Variants in CREB3L2 observed in about 807,000 individuals in gnomAD.
CREB3L2 encodes cAMP responsive element binding protein 3 like 2, also known as cyclic AMP-responsive element-binding protein 3-like protein 2.
A neutral mutation model predicts 57.2 loss-of-function variants in CREB3L2; 23 were observed. The observed-to-expected ratio is 0.40, with a 90% confidence interval of 0.29 to 0.57. CREB3L2 has a LOEUF of 0.57. Ranked by LOEUF, CREB3L2 falls within the 20% of genes least tolerant of loss-of-function variation. CREB3L2 has a pLI of 0.42. For missense variants in CREB3L2, 628 were observed against 634.7 expected (o/e 0.99, Z 0.11); for synonymous variants, 268 against 265.1 (o/e 1.01, Z -0.11).
At chr7:137,896,266 T>G (rs1249882551) in intron 8 of CREB3L2, among the ~76,000 whole-genome samples, 1 of 152,356 alleles carries the variant, frequency 6.6e-6, no homozygotes, top group East Asian at 1.9e-4. Flanking sequence ...TTTTATCTAT[T>G]TCCCTCTCAA....
chr7:137,930,237 T>C (rs1800586232), intron 1 of CREB3L2, among the ~76,000 whole-genome samples: 1 of 152,202 alleles, frequency 6.6e-6, no homozygotes, highest in Non-Finnish European at 1.5e-5. Flanking sequence ...CACTAGCTAT[T>C]AGAGATTTCT....
rs80107633 is a variant in CREB3L2, at chr7:137,885,153, G to A, written c.1144-32C>T. ...GAGAGAAAGAGGGGAGAGAGAACAC[G>A]AGGGGCTGTGGACTTCAGCCTCTGG... On this transcript the variant is annotated intron_variant, in intron 9 of 11. Coordinates refer to ENST00000330387, the MANE Select transcript of CREB3L2 (RefSeq NM_194071.4). 0.012 allele frequency: 19,132 copies of A among 1,611,500 alleles called. 1,777 individuals carry two copies. The African/African-American group carries it at 0.21, about 18-fold the overall frequency.
At chr7:137,960,577 T>C (rs2117285362) in intron 1 of CREB3L2, among the ~76,000 whole-genome samples, 1 of 152,266 alleles carries the variant, frequency 6.6e-6, no homozygotes, top group African/African-American at 2.4e-5. Flanking sequence ...GATATTAGCC[T>C]GGAAGTATCT....
intron 2 of CREB3L2, among the ~76,000 whole-genome samples, chr7:137,922,418 A>ATATATG (rs1800331558): frequency 5.3e-5 from 2 of 37,722 alleles, no homozygotes; most frequent in Non-Finnish European, 8.1e-5. Flanking sequence ...ATATATATGT[A>ATATATG]TATATATATA....
intron 1 of CREB3L2, among the ~76,000 whole-genome samples, chr7:137,984,687 T>G (rs1053763984): frequency 6.6e-6 from 1 of 152,260 alleles, no homozygotes; most frequent in Non-Finnish European, 1.5e-5. Flanking sequence ...TGCAGCTTTT[T>G]GTTTGGTTTT....
chr7:137,948,640 T>C (rs10488443), intron 1 of CREB3L2, among the ~76,000 whole-genome samples: 13,860 of 152,236 alleles, frequency 0.091, 941 homozygotes, highest in Admixed American at 0.22. Flanking sequence ...ATCTTGGCTA[T>C]TCAAAAGCGT....
rs757974765 is a variant in CREB3L2 at position 137,912,997 on chromosome 7, T to G, written c.577A>C (p.Lys193Gln). ...EVDQFLNFSP[K>Q]EAPVDHLHLP... ...ACAGGGAGGGCAGACAGACCTTCTTTAGGAGAGAAGTTTAGAAACTGATCC... is the reference window on the plus strand; with the variant it reads ...ACAGGGAGGGCAGACAGACCTTCTTGAGGAGAGAAGTTTAGAAACTGATCC... The change falls in exon 4 of 12, where the codon AAA becomes CAA. Residue 193 changes from lysine to glutamine, a missense_variant. Coordinates refer to ENST00000330387, the MANE Select transcript of CREB3L2 (RefSeq NM_194071.4). The G allele has an allele frequency of 5.0e-6, 8 of 1,613,848 alleles. No individual in the cohort carries two copies. The highest frequency in any genetic ancestry group is 6.8e-6 in the Non-Finnish European group (8 of 1,179,788).
At chr7:137,917,967 G>A (rs1800172583) in intron 2 of CREB3L2, among the ~76,000 whole-genome samples, 1 of 152,244 alleles carries the variant, frequency 6.6e-6, no homozygotes, top group African/African-American at 2.4e-5. Context: ...CCAGAGGAGG[G>A]AGACCACTCT....
At chr7:137,966,854 C>T (rs1414330738) in intron 1 of CREB3L2, among the ~76,000 whole-genome samples, 1 of 152,146 alleles carries the variant, frequency 6.6e-6, no homozygotes, top group Non-Finnish European at 1.5e-5. Flanking sequence ...TCTCAAGTGT[C>T]TGGGAATGAG....
intron 1 of CREB3L2, among the ~76,000 whole-genome samples, chr7:137,952,479 A>G (rs1238747479): frequency 2.6e-5 from 4 of 152,196 alleles, no homozygotes; most frequent in Admixed American, 6.5e-5. Context: ...TACGGTAGCC[A>G]CAGGTCCCAT....
intron 10 of CREB3L2, chr7:137,884,148 G>A (rs1799359249): frequency 6.6e-6 from 1 of 152,034 alleles, no homozygotes; most frequent in Non-Finnish European, 1.5e-5. Flanking sequence ...TGGGACTATA[G>A]GTGCATGCAC....
chr7:137,899,093 AAG>A (rs1168364098), intron 8 of CREB3L2, among the ~76,000 whole-genome samples: 3 of 126,648 alleles, frequency 2.4e-5, no homozygotes, highest in African/African-American at 1.0e-4. Context: ...AGAAAAAGGA[AAG>A]AGAAGGAAGG....
intron 1 of CREB3L2, among the ~76,000 whole-genome samples, chr7:137,963,073 C>A (rs908156694): frequency 3.3e-5 from 5 of 152,226 alleles, no homozygotes; most frequent in African/African-American, 9.7e-5. Context: ...CTTCATCTCA[C>A]TCAACCAGCC....
At chr7:137,884,663 T>C in intron 10 of CREB3L2, 1 of 580,576 alleles carries the variant, frequency 1.7e-6, no homozygotes, top group Non-Finnish European at 3.1e-6. Flanking sequence ...TCTTAAAACG[T>C]CACAGAAAGC....
intron 1 of CREB3L2, among the ~76,000 whole-genome samples, chr7:137,946,860 ATAGT>A (rs1800997673): frequency 1.7e-5 from 1 of 57,528 alleles, no homozygotes; most frequent in African/African-American, 1.1e-4. Context: ...AGTTATCTAT[ATAGT>A]TATATATATA....
chr7:137,970,872 CCTCCAGCTATTT>C (rs1801494201), intron 1 of CREB3L2, among the ~76,000 whole-genome samples: 1 of 152,234 alleles, frequency 6.6e-6, no homozygotes, highest in African/African-American at 2.4e-5. Flanking sequence ...ACAGATTTCT[CCTCCAGCTATTT>C]CTCCAGCTTA....
chr7:137,905,360 A>G (rs1388532033), intron 6 of CREB3L2, among the ~76,000 whole-genome samples: 8 of 148,002 alleles, frequency 5.4e-5, no homozygotes, highest in African/African-American at 1.8e-4. Flanking sequence ...ACTATTGTAT[A>G]TATCATACAC....
At chr7:137,953,871 A>T (rs910017888) in intron 1 of CREB3L2, among the ~76,000 whole-genome samples, 12 of 152,332 alleles carry the variant, frequency 7.9e-5, no homozygotes, top group Admixed American at 5.9e-4. Context: ...AGGCATCATC[A>T]TGGGTTTTTC....
chr7:137,912,887 A>AGT, intron 4 of CREB3L2, 104 bp downstream of exon 4: 1 of 1,558,500 alleles, frequency 6.4e-7, no homozygotes, highest in South Asian at 1.2e-5. Context: ...GCCAGCTACA[A>AGT]CATCTGTGGT....
Sources: gnomAD v4.1 joint callset for allele counts (sites outside exome capture counted in the v4.1 genomes callset) on GRCh38, gnomAD v4.1.1 for gene constraint, MANE v1.5 for transcripts, NCBI Gene and HGNC (gene_info 2026-07-23, HGNC 2026-07-21) for gene names.